SDK1: variants seen among roughly 807,000 people sequenced by gnomAD.
SDK1 encodes the protein sidekick cell adhesion molecule 1, also known as protein sidekick-1.
In SDK1, 157 loss-of-function variants were observed where a neutral mutation model predicts 245.5. The ratio of observed to expected loss-of-function variants is 0.64; its 90% CI spans 0.56 to 0.73. The LOEUF (loss-of-function observed/expected upper bound fraction) is 0.73, where lower values mean the gene tolerates loss of function less well. Among genes scored for constraint, SDK1 ranks in the 30% least tolerant of loss-of-function variants. SDK1 has a pLI of 0.00. For synonymous variants in SDK1, 1,647 were observed against 1,278.5 expected (o/e 1.29, Z -6.15); for missense variants, 3,583 against 3,002.3 (o/e 1.19, Z -4.52).
rs564935546 is a variant in SDK1, at chr7:3,404,903, T to G, written c.298+103019T>G. 3.3e-5 allele frequency among the ~76,000 whole-genome samples: 5 copies of G among 152,316 alleles called. No homozygotes were observed. In the East Asian group the frequency reaches 5.8e-4, roughly 18 times the overall value. On this transcript the variant is annotated intron_variant, in intron 1 of 44. Coordinates refer to ENST00000404826, the MANE Select transcript of SDK1 (RefSeq NM_152744.4). ...TAATGTATATCGTAAGATTGAGGTC[T>G]TAATGTTTGTATTAAGTAAGTGAAA... is the stretch of plus-strand genomic sequence containing the variant.
chr7:4,231,860 G>C (rs371100248), intron 40 of SDK1, among the ~76,000 whole-genome samples: 3 of 152,236 alleles, frequency 2.0e-5, no homozygotes, highest in African/African-American at 7.2e-5. Context: ...TGGGTGATAA[G>C]GTTGGTTTCC....
chr7:3,957,623 C>G (rs1781379396), intron 7 of SDK1, among the ~76,000 whole-genome samples: 1 of 152,072 alleles, frequency 6.6e-6, no homozygotes, highest in Non-Finnish European at 1.5e-5. Flanking sequence ...CTGATGAATA[C>G]AGGTCAGGAC....
chr7:3,724,612 A>T (rs985618103), intron 4 of SDK1, among the ~76,000 whole-genome samples: 1 of 152,172 alleles, frequency 6.6e-6, no homozygotes, highest in African/African-American at 2.4e-5. Flanking sequence ...GAAAGCGCAT[A>T]TGCAACAAAA....
chr7:3,928,337 T>A (rs1460610757), intron 5 of SDK1, among the ~76,000 whole-genome samples: 5 of 152,180 alleles, frequency 3.3e-5, no homozygotes, highest in Non-Finnish European at 7.3e-5. Flanking sequence ...GAGCCAATAG[T>A]ATTATTTAGT....
At chr7:3,744,673 G>T (rs781752349) in intron 4 of SDK1, among the ~76,000 whole-genome samples, 4 of 151,890 alleles carry the variant, frequency 2.6e-5, no homozygotes, top group African/African-American at 7.3e-5. Flanking sequence ...TTAGCCAGGC[G>T]TGGTGGCGGG....
chr7:3,752,697 G>A (rs768628407), intron 4 of SDK1, among the ~76,000 whole-genome samples: 60 of 151,920 alleles, frequency 3.9e-4, no homozygotes, highest in Non-Finnish European at 3.8e-4. Flanking sequence ...TTAAAACTCC[G>A]TGAATCCATT....
chr7:4,014,999 T>C (rs910712294), intron 16 of SDK1, among the ~76,000 whole-genome samples: 1 of 152,142 alleles, frequency 6.6e-6, no homozygotes, highest in Admixed American at 6.5e-5. Flanking sequence ...GGGTGGCTCA[T>C]GCAGGTGTAG....
chr7:3,461,459 C>G (rs1237096174), intron 1 of SDK1, among the ~76,000 whole-genome samples: 3 of 152,074 alleles, frequency 2.0e-5, no homozygotes, highest in African/African-American at 7.2e-5. Flanking sequence ...TTTCTTTGTA[C>G]AGAAGTCATT....
chr7:3,617,963 G>T (rs970357877), intron 1 of SDK1, among the ~76,000 whole-genome samples: 4 of 152,162 alleles, frequency 2.6e-5, no homozygotes, highest in Admixed American at 2.0e-4. Flanking sequence ...GCAGAGAGGG[G>T]AGGAGGCCTG....
At chr7:3,844,016 G>C (rs1457446368) in intron 5 of SDK1, among the ~76,000 whole-genome samples, 1 of 152,150 alleles carries the variant, frequency 6.6e-6, no homozygotes, top group East Asian at 1.9e-4. Flanking sequence ...TGTTGCCCAG[G>C]CTGGAGTACA....
At chr7:3,993,754 C>G (rs1784513658) in intron 14 of SDK1, among the ~76,000 whole-genome samples, 1 of 152,130 alleles carries the variant, frequency 6.6e-6, no homozygotes, top group Non-Finnish European at 1.5e-5. Context: ...TCAAAGCTCT[C>G]CCTCTCTCCT....
chr7:3,352,349 T>G (rs1258392279), intron 1 of SDK1, among the ~76,000 whole-genome samples: 2 of 152,124 alleles, frequency 1.3e-5, no homozygotes, highest in African/African-American at 4.8e-5. Context: ...CTAGTGATCA[T>G]GTATGTGGGA....
At chr7:3,371,538 A>G (rs571456775) in intron 1 of SDK1, among the ~76,000 whole-genome samples, 29 of 152,186 alleles carry the variant, frequency 1.9e-4, no homozygotes, top group Admixed American at 4.6e-4. Context: ...AGAAACATAC[A>G]AACAAAAAAG....
In SDK1 at chr7:3,356,892, C is replaced by T. The variant is rs552288735; in HGVS notation, c.298+55008C>T. 1.1e-3 allele frequency among the ~76,000 whole-genome samples: 167 copies of T among 151,838 alleles called. 1 individual carries two copies. Among genetic ancestry groups the T allele is most frequent in the South Asian group, 9.2e-3 (44 of 4,794 alleles). ...CCAACATGGTGAAACCCCATCTCTA[C>T]TAAAAATATAAAATTAGCTGGGCAT... On this transcript the variant is annotated intron_variant, in intron 1 of 44. Coordinates refer to ENST00000404826, the MANE Select transcript of SDK1 (RefSeq NM_152744.4).
In SDK1 at chr7:3,674,387, G is replaced by A. The variant is rs115319108; in HGVS notation, c.713+32282G>A. Among the ~76,000 whole-genome samples the A allele has an allele frequency of 1.7e-3, 252 of 152,248 alleles. 1 individual carries two copies. The highest frequency in any genetic ancestry group is 5.9e-3 in the African/African-American group (246 of 41,554). ...GAGAGACCTAGAGAGGGCTGCTAGG[G>A]CATGAGTGTCAGCAGGGGAGGACCA... On this transcript the variant is annotated intron_variant, in intron 4 of 44. Transcript: ENST00000404826.
chr7:4,036,461 G>A (rs1788225087), intron 17 of SDK1, among the ~76,000 whole-genome samples: 1 of 151,870 alleles, frequency 6.6e-6, no homozygotes. Context: ...TTTTCTTTAG[G>A]GCATAAACAC....
chr7:3,889,634 A>G (rs1398417950), intron 5 of SDK1, among the ~76,000 whole-genome samples: 3 of 152,066 alleles, frequency 2.0e-5, no homozygotes, highest in African/African-American at 7.2e-5. Flanking sequence ...CAGCCTCCCA[A>G]GTAGCTGGGA....
chr7:4,067,049 G>A (rs1379982937), intron 19 of SDK1, among the ~76,000 whole-genome samples: 2 of 152,180 alleles, frequency 1.3e-5, no homozygotes, highest in Non-Finnish European at 2.9e-5. Flanking sequence ...ATGGTGCCCG[G>A]GACATCCTCG....
intron 25 of SDK1, among the ~76,000 whole-genome samples, chr7:4,122,179 C>G (rs949161185): frequency 2.6e-5 from 4 of 152,212 alleles, no homozygotes; most frequent in African/African-American, 7.2e-5. Context: ...TCACAGCCTT[C>G]TTCTCTGGGA....
Sources: allele counts gnomAD v4.1 joint callset (sites outside exome capture counted in the v4.1 genomes callset), GRCh38; gene constraint gnomAD v4.1.1; transcripts MANE v1.5; gene names NCBI Gene and HGNC (gene_info 2026-07-23, HGNC 2026-07-21).